Variants in SLC8A1 observed in about 807,000 individuals in gnomAD.
SLC8A1 encodes solute carrier family 8 member A1, also known as sodium/calcium exchanger 1.
SLC8A1 carries 18 observed loss-of-function variants against 68.3 expected under a neutral mutation model. The ratio of observed to expected loss-of-function variants is 0.26; its 90% confidence interval spans 0.18 to 0.39. SLC8A1 has a LOEUF of 0.39. Among genes scored for constraint, SLC8A1 ranks in the 10% least tolerant of loss-of-function variants. The pLI is 1.00. For missense variants in SLC8A1, 985 were observed against 1,156.7 expected, an observed-to-expected ratio of 0.85 and a Z score of 2.15; for synonymous variants, 475 against 415.5, an observed-to-expected ratio of 1.14 and a Z score of -1.74.
chr2:40,116,948 T>A (rs1183489685), intron 7 of SLC8A1: 1 of 152,344 alleles, frequency 6.6e-6, no homozygotes, highest in Admixed American at 6.5e-5. Context: ...GCTGACTGTG[T>A]GACTCTGGAA....
chr2:40,446,821 T>A (rs1210148133), intron 1 of SLC8A1, among the ~76,000 whole-genome samples: 2 of 152,216 alleles, frequency 1.3e-5, no homozygotes, highest in East Asian at 3.8e-4. Context: ...TGAGAAAACG[T>A]GTGTAAAGCA....
At chr2:40,394,650 G>T (rs916324454) in intron 2 of SLC8A1, among the ~76,000 whole-genome samples, 1 of 152,014 alleles carries the variant, frequency 6.6e-6, no homozygotes, top group Non-Finnish European at 1.5e-5. Flanking sequence ...CCTCTTTAGA[G>T]AACTGTGATT....
intron 2 of SLC8A1, among the ~76,000 whole-genome samples, chr2:40,414,420 T>A (rs1331450787): frequency 6.6e-6 from 1 of 152,182 alleles, no homozygotes; most frequent in Non-Finnish European, 1.5e-5. Context: ...GTACACAGTG[T>A]TATTTGTACA....
At chr2:40,460,523 C>A (rs1185127995) in intron 1 of SLC8A1, among the ~76,000 whole-genome samples, 1 of 152,092 alleles carries the variant, frequency 6.6e-6, no homozygotes, top group Non-Finnish European at 1.5e-5. Context: ...ATTAGACACT[C>A]TCCATGGCCT....
At chr2:40,411,201 T>C (rs529880548) in intron 2 of SLC8A1, among the ~76,000 whole-genome samples, 2 of 152,180 alleles carry the variant, frequency 1.3e-5, no homozygotes, top group South Asian at 4.1e-4. Flanking sequence ...TGAACACTAA[T>C]AGTTACTATT....
rs148097408 is a variant in SLC8A1 at position 40,501,868 on chromosome 2, T to A, written c.-25+10481A>T. Among the ~76,000 whole-genome samples the A allele has an allele frequency of 4.4e-4, 67 of 152,186 alleles. No homozygotes were observed. In the East Asian group the frequency reaches 8.7e-3, roughly 20 times the overall value. On this transcript the variant is annotated intron_variant, in intron 1 of 7. Transcript: ENST00000402441. ...GATGCAGAGTGTCCCAGGTCTCAGA[T>A]TATCTTATAACCAGGGAATCAAAGT...
intron 2 of SLC8A1, among the ~76,000 whole-genome samples, chr2:40,387,355 T>C (rs978631715): frequency 6.6e-6 from 1 of 151,488 alleles, no homozygotes; most frequent in South Asian, 2.1e-4. Flanking sequence ...AAGAAATTGA[T>C]ATATTCTATT....
chr2:40,105,788 T>C (rs998047938), exon 8 of SLC8A1: 1 of 152,220 alleles, frequency 6.6e-6, no homozygotes, highest in Non-Finnish European at 1.5e-5. Context: ...TCAGAAACCG[T>C]ATCCGACAAG....
chr2:40,177,051 T>C (rs1447868140), intron 3 of SLC8A1, among the ~76,000 whole-genome samples: 2 of 9,258 alleles, frequency 2.2e-4, no homozygotes, highest in African/African-American at 6.8e-4. Flanking sequence ...TATTTTTTCT[T>C]TTTTTTATAT....
intron 2 of SLC8A1, among the ~76,000 whole-genome samples, chr2:40,379,653 T>A (rs539739165): frequency 1.3e-5 from 2 of 152,106 alleles, no homozygotes; most frequent in African/African-American, 4.8e-5. Context: ...CCTTTTTTTT[T>A]TTCCCTGCAG....
intron 2 of SLC8A1, among the ~76,000 whole-genome samples, chr2:40,423,635 T>C (rs1696096312): frequency 6.6e-6 from 1 of 152,026 alleles, no homozygotes; most frequent in Admixed American, 6.6e-5. Flanking sequence ...ACAAAATTCC[T>C]TTACATAATG....
intron 2 of SLC8A1, among the ~76,000 whole-genome samples, chr2:40,345,986 G>A (rs943186813): frequency 2.1e-5 from 3 of 143,172 alleles, no homozygotes; most frequent in South Asian, 2.3e-4. Flanking sequence ...CATACTGCAC[G>A]TGTATCCCCA....
At chr2:40,391,061 A>G (rs961802420) in intron 2 of SLC8A1, among the ~76,000 whole-genome samples, 12 of 151,774 alleles carry the variant, frequency 7.9e-5, no homozygotes, top group Non-Finnish European at 1.0e-4. Flanking sequence ...TTACCTTTGG[A>G]TTTTTTCTAA....
In SLC8A1 at chr2:40,289,357, A is replaced by T. The variant is rs1379720056; in HGVS notation, c.1809-111502T>A. Among the ~76,000 whole-genome samples the T allele has an allele frequency of 3.9e-5, 6 of 152,210 alleles. No homozygotes were observed. In the East Asian group the frequency reaches 1.2e-3, roughly 29 times the overall value. On this transcript the variant is annotated intron_variant, in intron 2 of 7. Transcript: ENST00000406785. Reference sequence around the variant, plus strand: ...CAAAGGGAAAAAATCCAACTTCTCTATTCAGGTTACAAATGTGATTTCACA... The same window carrying T: ...CAAAGGGAAAAAATCCAACTTCTCTTTTCAGGTTACAAATGTGATTTCACA...
chr2:40,378,675 A>AGAAAGAG (rs1200382244), intron 2 of SLC8A1, among the ~76,000 whole-genome samples: 1 of 152,148 alleles, frequency 6.6e-6, no homozygotes, highest in Admixed American at 6.5e-5. Flanking sequence ...TCATCTGCAG[A>AGAAAGAG]GAAAGAGGAA....
intron 2 of SLC8A1, among the ~76,000 whole-genome samples, chr2:40,415,926 G>C (rs146542414): frequency 2.0e-5 from 3 of 149,282 alleles, no homozygotes; most frequent in Non-Finnish European, 4.4e-5. Flanking sequence ...GCTGGGCGTG[G>C]TGGCAGGTGT....
At chr2:40,196,040 T>C (rs1282043180) in intron 2 of SLC8A1, 1 of 151,646 alleles carries the variant, frequency 6.6e-6, no homozygotes, top group Admixed American at 6.6e-5. Flanking sequence ...GTAGGATGTC[T>C]TTCAACTTGA....
At chr2:40,150,760 T>C (rs1021937025) in intron 6 of SLC8A1, among the ~76,000 whole-genome samples, 1 of 152,202 alleles carries the variant, frequency 6.6e-6, no homozygotes, top group African/African-American at 2.4e-5. Context: ...TTCAGAAACA[T>C]CAGCTAAAGC....
chr2:40,483,800 C>A (rs925126779), intron 1 of SLC8A1, among the ~76,000 whole-genome samples: 13 of 152,138 alleles, frequency 8.5e-5, no homozygotes, highest in Non-Finnish European at 1.6e-4. Context: ...ACTTGAGCAG[C>A]CATCATGGTC....
Sources: gnomAD v4.1 joint callset for allele counts (sites outside exome capture counted in the v4.1 genomes callset) on GRCh38, gnomAD v4.1.1 for gene constraint, MANE v1.5 for transcripts, NCBI Gene and HGNC (gene_info 2026-07-23, HGNC 2026-07-21) for gene names.